Variants in NRXN1 observed in about 807,000 individuals in gnomAD.
NRXN1 encodes neurexin 1.
Under a neutral mutation model 150.9 loss-of-function variants are expected in NRXN1, and 39 were observed. That is an observed-to-expected ratio of 0.26 (90% CI 0.20 to 0.34). The LOEUF (loss-of-function observed/expected upper bound fraction) is 0.34. Ranked by LOEUF, NRXN1 falls within the 10% of genes least tolerant of loss-of-function variation. NRXN1 has a pLI of 1.00. For synonymous variants in NRXN1, 924 were observed against 757.0 expected, an observed-to-expected ratio of 1.22 and a Z score of -3.62; for missense variants, 1,815 against 1,949.9, an observed-to-expected ratio of 0.93 and a Z score of 1.30.
chr2:50,263,612 A>G (rs917475895), intron 17 of NRXN1, among the ~76,000 whole-genome samples: 3 of 152,156 alleles, frequency 2.0e-5, no homozygotes, highest in Non-Finnish European at 4.4e-5. Context: ...ATAGGGACTT[A>G]AAACAGGTGA....
intron 5 of NRXN1, among the ~76,000 whole-genome samples, chr2:50,874,990 T>C (rs1678359071): frequency 6.6e-6 from 1 of 151,858 alleles, no homozygotes; most frequent in African/African-American, 2.4e-5. Flanking sequence ...CAGTTGTCCA[T>C]ACACAAAAGT....
At chr2:50,491,524 A>T (rs2091253929) in intron 15 of NRXN1, among the ~76,000 whole-genome samples, 3 of 152,180 alleles carry the variant, frequency 2.0e-5, no homozygotes, top group African/African-American at 7.2e-5. Flanking sequence ...TGAGGAGGAG[A>T]TAAATGGGTG....
chr2:50,183,113 G>T (rs1393593781), intron 18 of NRXN1, among the ~76,000 whole-genome samples: 1 of 152,036 alleles, frequency 6.6e-6, no homozygotes, highest in Non-Finnish European at 1.5e-5. Context: ...ATAGAAGGAA[G>T]TTAGAGCTAA....
chr2:50,494,495 A>C (rs960754132), intron 15 of NRXN1, among the ~76,000 whole-genome samples: 3 of 152,332 alleles, frequency 2.0e-5, no homozygotes, highest in Non-Finnish European at 2.9e-5. Context: ...TTGGCCTGTA[A>C]GAAGCAGTTC....
At chr2:50,944,458 T>A (rs1689995930) in intron 2 of NRXN1, among the ~76,000 whole-genome samples, 1 of 152,132 alleles carries the variant, frequency 6.6e-6, no homozygotes, top group Non-Finnish European at 1.5e-5. Context: ...TTAGTAAAAA[T>A]CACATATATT....
At chr2:50,371,481 A>G (rs181082881) in intron 17 of NRXN1, among the ~76,000 whole-genome samples, 86 of 152,206 alleles carry the variant, frequency 5.7e-4, no homozygotes, top group Non-Finnish European at 2.1e-4. Flanking sequence ...AGACCTATAT[A>G]CATTAAAGAT....
intron 18 of NRXN1, chr2:50,199,225 T>C (rs1021574971): frequency 3.3e-5 from 5 of 152,160 alleles, no homozygotes; most frequent in African/African-American, 1.2e-4. Context: ...AAAGATTGAA[T>C]CCAAAGGTTC....
chr2:50,537,466 A>G (rs528948407), intron 10 of NRXN1, among the ~76,000 whole-genome samples: 8 of 152,310 alleles, frequency 5.3e-5, no homozygotes, highest in African/African-American at 1.7e-4. Context: ...CTGCAGATCA[A>G]CTGGGATGGC....
chr2:50,399,878 A>T (rs2103921345), intron 17 of NRXN1, among the ~76,000 whole-genome samples: 1 of 148,198 alleles, frequency 6.7e-6, no homozygotes. Context: ...TATCATTGAA[A>T]GGCATTTAAT....
intron 21 of NRXN1, among the ~76,000 whole-genome samples, chr2:49,945,436 G>C (rs1672720760): frequency 6.6e-6 from 1 of 150,514 alleles, no homozygotes; most frequent in South Asian, 2.1e-4. Context: ...TACATGTGCA[G>C]CATATGCAGG....
intron 5 of NRXN1, among the ~76,000 whole-genome samples, chr2:50,680,761 GAA>G (rs890140261): frequency 1.5e-5 from 2 of 133,726 alleles, no homozygotes. Flanking sequence ...AAGTTCAAGT[GAA>G]AAAAAAAAAA....
chr2:50,809,361 G>A (rs1667921364), intron 5 of NRXN1, among the ~76,000 whole-genome samples: 1 of 152,004 alleles, frequency 6.6e-6, no homozygotes, highest in Admixed American at 6.6e-5. Context: ...CTCTCGCTAA[G>A]GAATTAATGT....
intron 5 of NRXN1, among the ~76,000 whole-genome samples, chr2:50,639,039 C>T (rs1683655926): frequency 6.6e-6 from 1 of 151,882 alleles, no homozygotes; most frequent in Non-Finnish European, 1.5e-5. Context: ...AAAACACAAA[C>T]GTTATTCAAC....
At chr2:50,604,158 A>G (rs1676723478) in intron 8 of NRXN1, among the ~76,000 whole-genome samples, 1 of 152,210 alleles carries the variant, frequency 6.6e-6, no homozygotes, top group South Asian at 2.1e-4. Context: ...ATTCCTATAA[A>G]ATGCTGATTC....
At chr2:50,000,243 T>C (rs1683679219) in intron 21 of NRXN1, among the ~76,000 whole-genome samples, 1 of 152,230 alleles carries the variant, frequency 6.6e-6, no homozygotes, top group Admixed American at 6.5e-5. Context: ...GAATCTACAT[T>C]GTGCTTCTTT....
At chr2:50,572,786 A>G (rs989342731) in intron 8 of NRXN1, among the ~76,000 whole-genome samples, 3 of 152,202 alleles carry the variant, frequency 2.0e-5, no homozygotes, top group African/African-American at 7.2e-5. Context: ...TTCCCTATTC[A>G]ACATTTGTAT....
chr2:51,006,063 C>A (rs917982960), intron 2 of NRXN1, among the ~76,000 whole-genome samples: 1 of 151,732 alleles, frequency 6.6e-6, no homozygotes, highest in Non-Finnish European at 1.5e-5. Flanking sequence ...TCTTGGATTT[C>A]TCGGTATGAT....
At chr2:50,888,015 T>A (rs1680514297) in intron 5 of NRXN1, among the ~76,000 whole-genome samples, 1 of 151,378 alleles carries the variant, frequency 6.6e-6, no homozygotes, top group South Asian at 2.1e-4. Flanking sequence ...AGTGGTATTT[T>A]CATTTACATG....
intron 2 of NRXN1, among the ~76,000 whole-genome samples, chr2:50,960,889 T>C (rs1693064496): frequency 6.6e-6 from 1 of 151,978 alleles, no homozygotes; most frequent in Non-Finnish European, 1.5e-5. Context: ...TCTCACAAAT[T>C]AACTTGTAAC....
Sources: allele counts gnomAD v4.1 joint callset (sites outside exome capture counted in the v4.1 genomes callset), GRCh38; gene constraint gnomAD v4.1.1; transcripts MANE v1.5; gene names NCBI Gene and HGNC (gene_info 2026-07-23, HGNC 2026-07-21).